The following SNX8 variants were observed in gnomAD, a reference collection of about 807,000 sequenced individuals.
The protein encoded by SNX8 is sorting nexin 8.
In SNX8, 25 loss-of-function variants were observed where a neutral mutation model predicts 51.6. The ratio of observed to expected loss-of-function variants is 0.48; its 90% CI spans 0.35 to 0.68. The LOEUF is 0.68. Ranked by LOEUF, SNX8 falls within the 30% of genes least tolerant of loss-of-function variation. SNX8 has a pLI of 0.00. For missense variants in SNX8, 695 were observed against 624.0 expected (o/e 1.11, Z -1.21); for synonymous variants, 324 against 277.0 (o/e 1.17, Z -1.68).
intron 1 of SNX8, among the ~76,000 whole-genome samples, chr7:2,352,816 A>G (rs1040201620): frequency 6.6e-6 from 1 of 151,996 alleles, no homozygotes; most frequent in African/African-American, 2.4e-5. Flanking sequence ...AGCCTAGGCG[A>G]CAGAGCAACA....
intron 7 of SNX8, 146 bp from the exon 8 acceptor site, chr7:2,257,949 G>T: frequency 1.4e-6 from 1 of 708,580 alleles, no homozygotes; most frequent in Non-Finnish European, 2.4e-6. Flanking sequence ...GTCTGCAGGG[G>T]GCCCCCTTCC....
chr7:2,270,187 C>T lies in SNX8; in HGVS notation c.541-548G>A, dbSNP rs562695360. ...CTGAAAGAGGCCTCCTGGGCAAAGCCGTGCCTTAAAGTCAGGAGCCACCCA... is the reference window on the plus strand; with the variant it reads ...CTGAAAGAGGCCTCCTGGGCAAAGCTGTGCCTTAAAGTCAGGAGCCACCCA... On this transcript the variant is annotated intron_variant, in intron 4 of 10. Transcript: ENST00000222990. Among the ~76,000 whole-genome samples, 25 of 152,062 alleles carry T rather than the reference C, an allele frequency of 1.6e-4. No homozygotes were observed. In the South Asian group the frequency reaches 4.8e-3, roughly 29 times the overall value.
At chr7:2,258,553 G>A (rs907196390) in intron 7 of SNX8, among the ~76,000 whole-genome samples, 2 of 152,180 alleles carry the variant, frequency 1.3e-5, no homozygotes, top group East Asian at 3.9e-4. Flanking sequence ...AAACGGGCAC[G>A]CCCAGGAGGG....
intron 1 of SNX8, among the ~76,000 whole-genome samples, chr7:2,282,747 C>A (rs1348851251): frequency 6.6e-6 from 1 of 152,176 alleles, no homozygotes; most frequent in Non-Finnish European, 1.5e-5. Flanking sequence ...GAGGCCGAGG[C>A]AGGTGGATCA....
intron 1 of SNX8, among the ~76,000 whole-genome samples, chr7:2,348,165 A>C (rs965828973): frequency 2.6e-5 from 4 of 152,086 alleles, no homozygotes; most frequent in Non-Finnish European, 1.5e-5. Flanking sequence ...AGGGCGGGCT[A>C]AGATCGCCAT....
intron 10 of SNX8, among the ~76,000 whole-genome samples, chr7:2,256,374 T>C (rs1371489784): frequency 1.3e-5 from 2 of 152,220 alleles, no homozygotes; most frequent in Non-Finnish European, 2.9e-5. Context: ...GGGCACAAGG[T>C]GCTCGCCTGT....
chr7:2,353,796 G>C (rs1269249846), intron 1 of SNX8, among the ~76,000 whole-genome samples: 1 of 152,046 alleles, frequency 6.6e-6, no homozygotes, highest in African/African-American at 2.4e-5. Flanking sequence ...TGGCGTGCGG[G>C]GGGTGGTGGT....
chr7:2,307,491 G>T (rs1796569715), intron 1 of SNX8, among the ~76,000 whole-genome samples: 2 of 151,912 alleles, frequency 1.3e-5, no homozygotes, highest in African/African-American at 4.8e-5. Context: ...AATTAGCCAG[G>T]TGCGGTGGTG....
chr7:2,275,263 T>C, intron 2 of SNX8, 34 bp from the exon 3 acceptor site: 1 of 1,430,332 alleles, frequency 7.0e-7, no homozygotes, highest in Non-Finnish European at 9.9e-7. Context: ...AGATCCGACG[T>C]TGGAAACTAT....
At chr7:2,324,808 C>T (rs999676363) in intron 1 of SNX8, among the ~76,000 whole-genome samples, 1 of 151,946 alleles carries the variant, frequency 6.6e-6, no homozygotes, top group South Asian at 2.1e-4. Context: ...AACACTCTTC[C>T]TTTTTTTAAT....
chr7:2,324,142 A>G (rs1423828996), intron 1 of SNX8, among the ~76,000 whole-genome samples: 4 of 151,896 alleles, frequency 2.6e-5, no homozygotes, highest in African/African-American at 4.8e-5. Context: ...GAATTTATAA[A>G]AAAAGAATGT....
chr7:2,278,101 TG>T lies in SNX8; in HGVS notation c.298del (p.Gln100SerfsTer53). On this transcript the variant is annotated frameshift_variant and splice_region_variant, in exon 2 of 11. Coordinates refer to ENST00000222990, the MANE Select transcript of SNX8 (RefSeq NM_013321.4). LOFTEE classifies it high-confidence loss of function. ...LKHVEYEVSS[Q>X]RFKSSVYRRY... The stretch of plus-strand genomic sequence containing the variant: ...ACACACACACAATTTGCCAGTTACC[TG>T]GCTGGAAACCTCATACTCCACATGC... The T allele has an allele frequency of 6.2e-7, 1 of 1,612,516 alleles. No homozygotes were observed. Among genetic ancestry groups the T allele is most frequent in the Non-Finnish European group, 8.5e-7 (1 of 1,178,810 alleles).
chr7:2,262,817 G>T (rs546331543), intron 7 of SNX8, among the ~76,000 whole-genome samples: 1 of 152,186 alleles, frequency 6.6e-6, no homozygotes, highest in Non-Finnish European at 1.5e-5. Flanking sequence ...TCATTCACTC[G>T]GCTCAGAACT....
Position 2,314,340 on chromosome 7 carries a change from G to C in SNX8, c.82C>G (p.Pro28Ala). The stretch of plus-strand genomic sequence containing the variant: ...CCCCACGCCCTACCTGACGCCGGGG[G>C]ATCCGCCTCCTCGTCAGCCTCCGCC... ...AEAEADEEAD[P>A]PASDLPTPQA... Residue 28 changes from proline to alanine, a missense_variant, in exon 1 of 11, where the codon CCC (proline) becomes GCC (alanine). Transcript: ENST00000222990. The C allele has an allele frequency of 8.2e-7, 1 of 1,223,556 alleles. No individual in the cohort carries two copies. The highest frequency in any genetic ancestry group is 1.0e-6 in the Non-Finnish European group (1 of 982,476). 75.8% of individuals were successfully genotyped at this position (1,223,556 alleles called of 1,614,324 possible).
intron 1 of SNX8, among the ~76,000 whole-genome samples, chr7:2,304,352 G>C (rs1004889044): frequency 3.3e-5 from 5 of 150,694 alleles, no homozygotes; most frequent in African/African-American, 1.2e-4. Context: ...AGACCATCCT[G>C]GCTAACAGGG....
chr7:2,301,269 T>C (rs1264973021), intron 1 of SNX8, among the ~76,000 whole-genome samples: 1 of 152,146 alleles, frequency 6.6e-6, no homozygotes, highest in African/African-American at 2.4e-5. Flanking sequence ...ACACTGCTCA[T>C]GTCCCAGCTG....
At position 2,263,300 on chromosome 7, in the gene SNX8, C is replaced by G; in HGVS notation, c.845G>C (p.Gly282Ala). The change falls in exon 7 of 11, where the codon GGG (glycine) becomes GCG (alanine). Residue 282 changes from glycine (G) to alanine (A), a missense_variant. Physicochemically the swap from Gly to Ala is moderately conservative, Grantham distance 60. Transcript: ENST00000222990. ...GCCTTTCAGAGCCTGCTTCAGGGAC[C>G]CCCACGTGCTGCTATTCAGAGCGGC... is the stretch of plus-strand genomic sequence containing the variant. ...SWAALNSSTWGSLKQALKGLS... is the reference protein window; with the variant it reads ...SWAALNSSTWASLKQALKGLS... 1 of 1,613,860 alleles carries G rather than the reference C, an allele frequency of 6.2e-7. No homozygotes were observed. The highest frequency in any genetic ancestry group is 1.1e-5 in the South Asian group (1 of 91,068).
chr7:2,354,050 G>T (rs1273699574), intron 1 of SNX8: 2 of 152,510 alleles, frequency 1.3e-5, no homozygotes, highest in Non-Finnish European at 2.9e-5. Context: ...AGTCAGCCTC[G>T]AGCTCCACGC....
chr7:2,257,605 G>T (rs1292723173), intron 8 of SNX8, 91 bp from the exon 9 acceptor site: 3 of 1,576,612 alleles, frequency 1.9e-6, no homozygotes, highest in Non-Finnish European at 2.6e-6. Flanking sequence ...CCGCCAGACG[G>T]AAGGCCCCGT....
Sources: allele counts gnomAD v4.1 joint callset (sites outside exome capture counted in the v4.1 genomes callset), GRCh38; gene constraint gnomAD v4.1.1; transcripts MANE v1.5; gene names NCBI Gene and HGNC (gene_info 2026-07-23, HGNC 2026-07-21).